Variants in YY1AP1 observed in about 807,000 individuals in gnomAD.
YY1AP1 encodes the protein YY1-associated protein 1.
In YY1AP1, 43 loss-of-function variants were observed where a neutral mutation model predicts 39.9. The observed-to-expected ratio is 1.08, with a 90% CI of 0.84 to 1.39. YY1AP1 has a LOEUF of 1.39. Ranked by LOEUF, YY1AP1 falls within the 40% of genes most tolerant of loss-of-function variation. The probability of loss-of-function intolerance (pLI) is 0.00; values close to 1 mark genes in which losing one functional copy is unlikely to be tolerated. For synonymous variants in YY1AP1, 292 were observed against 331.3 expected, an observed-to-expected ratio of 0.88 and a Z score of 1.29; for missense variants, 813 against 900.7, an observed-to-expected ratio of 0.90 and a Z score of 1.25.
Position 155,688,090 on chromosome 1 carries a change from G to A in YY1AP1, c.-40C>T. On this transcript the variant is annotated 5_prime_UTR_variant, in exon 2 of 11. Coordinates refer to ENST00000355499, the MANE Select transcript of YY1AP1 (RefSeq NM_139119.3). ...ACTCACCGTGTCGGAGGCCGAGAGC[G>A]ATGAGAGTACAGGGAAGTGAGGAAG... is the stretch of plus-strand genomic sequence containing the variant. 6.3e-7 allele frequency: 1 copy of A among 1,594,246 alleles called. No individual in the cohort carries two copies. The highest frequency in any genetic ancestry group is 8.6e-7 in the Non-Finnish European group (1 of 1,166,834).
intron 9 of YY1AP1, among the ~76,000 whole-genome samples, chr1:155,668,019 T>C (rs1368624828): frequency 2.0e-5 from 3 of 151,628 alleles, no homozygotes. Context: ...AAAAAGTATA[T>C]AGGCTGGGCA....
chr1:155,684,297 A>T (rs1651913153), intron 2 of YY1AP1, among the ~76,000 whole-genome samples: 2 of 152,274 alleles, frequency 1.3e-5, no homozygotes, highest in Admixed American at 1.3e-4. Context: ...AATCTCAATT[A>T]AAAAAATAAA....
At chr1:155,669,743 C>T (rs1427001861) in intron 8 of YY1AP1, among the ~76,000 whole-genome samples, 3 of 152,168 alleles carry the variant, frequency 2.0e-5, no homozygotes, top group Non-Finnish European at 4.4e-5. Flanking sequence ...TGTTCATAAT[C>T]TAGCTGGGTG....
intron 1 of YY1AP1, 118 bp from the exon 2 acceptor site, chr1:155,688,319 T>C (rs756073452): frequency 6.4e-7 from 1 of 1,557,606 alleles, no homozygotes; most frequent in Non-Finnish European, 8.7e-7. Context: ...GAACCCAAAA[T>C]GGCGGCGGCA....
intron 7 of YY1AP1, 127 bp from the exon 8 acceptor site, chr1:155,670,591 A>AC: frequency 1.1e-6 from 1 of 935,886 alleles, no homozygotes; most frequent in Non-Finnish European, 1.6e-6. Context: ...CCATCTGCCT[A>AC]CCACTCCCCA....
At chr1:155,686,594 A>G (rs1265593939) in intron 2 of YY1AP1, among the ~76,000 whole-genome samples, 1 of 152,128 alleles carries the variant, frequency 6.6e-6, no homozygotes, top group African/African-American at 2.4e-5. Flanking sequence ...GAATGGTTAT[A>G]TTTGTTGAAT....
intron 9 of YY1AP1, among the ~76,000 whole-genome samples, chr1:155,666,940 C>T (rs1289618559): frequency 1.3e-5 from 2 of 152,118 alleles, no homozygotes; most frequent in African/African-American, 2.4e-5. Flanking sequence ...GTGGAGGTTG[C>T]AGTGAGCTAA....
At chr1:155,673,016 T>C (rs184965386) in intron 6 of YY1AP1, among the ~76,000 whole-genome samples, 3 of 152,286 alleles carry the variant, frequency 2.0e-5, no homozygotes, top group East Asian at 3.9e-4. Flanking sequence ...ATTACTTTAA[T>C]TTAATTAATT....
chr1:155,677,269 G>A (rs989067461), intron 4 of YY1AP1, among the ~76,000 whole-genome samples: 7 of 152,102 alleles, frequency 4.6e-5, no homozygotes, highest in African/African-American at 1.2e-4. Context: ...TGAACAGAAC[G>A]GAGAAGTTAG....
chr1:155,683,554 A>G (rs1651809573), intron 2 of YY1AP1, among the ~76,000 whole-genome samples: 1 of 151,922 alleles, frequency 6.6e-6, no homozygotes, highest in Non-Finnish European at 1.5e-5. Context: ...TGCTCAGGAC[A>G]TTGAGGCAGG....
intron 9 of YY1AP1, among the ~76,000 whole-genome samples, chr1:155,661,954 C>A (rs1029548996): frequency 6.6e-6 from 1 of 152,172 alleles, no homozygotes; most frequent in African/African-American, 2.4e-5. Context: ...CCGCGCCCAG[C>A]CCTATTCAAT....
intron 5 of YY1AP1, among the ~76,000 whole-genome samples, chr1:155,675,946 G>A (rs1253228257): frequency 6.6e-6 from 1 of 152,172 alleles, no homozygotes; most frequent in Non-Finnish European, 1.5e-5. Flanking sequence ...GGAAAAGGCC[G>A]GGCGCAGTGA....
Position 155,672,660 on chromosome 1 carries a change from C to G in YY1AP1, c.483G>C (p.Leu161=), listed in dbSNP as rs777373687. 6.8e-6 allele frequency: 11 copies of G among 1,614,132 alleles called. No homozygotes were observed. The highest frequency in any genetic ancestry group is 2.7e-5 in the African/African-American group (2 of 75,020). ...HHQYNPKFQT[L]FQPCNLMGAM... ...CTCCCATCAAGTTACAGGGTTGGAA[C>G]AGGGTCTGAAACTTGGGGTTGTACT... The change falls in exon 7 of 11, where the codon CTG becomes CTC. Residue 161 remains leucine, a synonymous_variant. Transcript: ENST00000355499.
chr1:155,661,744 C>G (rs1648190812), intron 9 of YY1AP1, among the ~76,000 whole-genome samples: 1 of 152,208 alleles, frequency 6.6e-6, no homozygotes, highest in South Asian at 2.1e-4. Context: ...CAAGCTCCAC[C>G]TCCCAGGTTC....
intron 1 of YY1AP1, 187 bp from the exon 2 acceptor site, chr1:155,688,388 A>G: frequency 6.5e-7 from 1 of 1,543,298 alleles, no homozygotes; most frequent in African/African-American, 1.4e-5. Flanking sequence ...AAGGGCGCCT[A>G]GCGACACCCC....
intron 4 of YY1AP1, among the ~76,000 whole-genome samples, chr1:155,677,206 C>T (rs925601165): frequency 2.6e-5 from 4 of 152,160 alleles, no homozygotes; most frequent in African/African-American, 4.8e-5. Context: ...GACTTTCTAG[C>T]ATGAAGCAGG....
intron 2 of YY1AP1, among the ~76,000 whole-genome samples, chr1:155,685,926 C>G (rs1361481048): frequency 6.6e-6 from 1 of 151,976 alleles, no homozygotes; most frequent in Non-Finnish European, 1.5e-5. Context: ...CAAGAAACAT[C>G]CCATTTTCCA....
intron 2 of YY1AP1, among the ~76,000 whole-genome samples, chr1:155,684,296 T>A (rs1173051128): frequency 1.3e-5 from 2 of 151,992 alleles, no homozygotes; most frequent in South Asian, 4.1e-4. Context: ...TAATCTCAAT[T>A]AAAAAAATAA....
At position 155,660,647 on chromosome 1, in the gene YY1AP1, G is replaced by A; in HGVS notation, c.1263C>T (p.Pro421=). The part of the protein sequence containing the change: ...VLKPLLIQPS[P]SLQPSFNPGK... The stretch of plus-strand genomic sequence containing the variant: ...CAGGGTTGAAGCTGGGCTGGAGAGA[G>A]GGGCTGGGTTGGATAAGGAGGGGTT... Residue 421 remains proline, a synonymous_variant, in exon 11 of 11, where the codon CCC becomes CCT. Transcript: ENST00000355499. 2 of 1,614,216 alleles carry A rather than the reference G, an allele frequency of 1.2e-6. No individual in the cohort carries two copies. The highest frequency in any genetic ancestry group is 1.7e-6 in the Non-Finnish European group (2 of 1,180,044).
Sources: gnomAD v4.1 joint callset for allele counts (sites outside exome capture counted in the v4.1 genomes callset) on GRCh38, gnomAD v4.1.1 for gene constraint, MANE v1.5 for transcripts, NCBI Gene and HGNC (gene_info 2026-07-23, HGNC 2026-07-21) for gene names.